CSRNP2: variants seen among roughly 807,000 people sequenced by gnomAD.
CSRNP2 encodes cysteine/serine-rich nuclear protein 2.
In CSRNP2, 11 loss-of-function variants were observed where a neutral mutation model predicts 36.6. The observed-to-expected ratio is 0.30, with a 90% CI of 0.19 to 0.50. The LOEUF (loss-of-function observed/expected upper bound fraction) is 0.50. Among genes scored for constraint, CSRNP2 ranks in the 20% least tolerant of loss-of-function variants. The probability of loss-of-function intolerance (pLI) is 0.98; values close to 1 mark genes in which losing one functional copy is unlikely to be tolerated. For missense variants in CSRNP2, 483 were observed against 691.4 expected (o/e 0.70, Z 3.38); for synonymous variants, 248 against 275.3 (o/e 0.90, Z 0.98).
intron 1 of CSRNP2, among the ~76,000 whole-genome samples, chr12:51,079,512 C>T (rs2136929750): frequency 6.6e-6 from 1 of 151,534 alleles, no homozygotes; most frequent in Admixed American, 6.6e-5. Flanking sequence ...TCTGTCATCC[C>T]AGCACTTTGG....
At chr12:51,079,925 T>C (rs1420812657) in intron 1 of CSRNP2, among the ~76,000 whole-genome samples, 1 of 150,104 alleles carries the variant, frequency 6.7e-6, no homozygotes, top group Non-Finnish European at 1.5e-5. Context: ...ATACAATGAT[T>C]AGCCAGGTGT....
rs532541589 is a variant in CSRNP2, at chr12:51,069,049, C to T, written c.412-1080G>A. Among the ~76,000 whole-genome samples, 16 of 152,212 alleles carry T rather than the reference C, an allele frequency of 1.1e-4. No individual in the cohort carries two copies. The East Asian group carries it at 3.1e-3, about 29-fold the overall frequency. On this transcript the variant is annotated intron_variant, in intron 3 of 4. Coordinates refer to ENST00000228515, the MANE Select transcript of CSRNP2 (RefSeq NM_030809.3). Reference sequence around the variant, plus strand: ...GGAGTGCAGTGGCGTGATCTCAGCTCGCTGCAAGCTCCACCTCCTGGGTTC... The same window carrying T: ...GGAGTGCAGTGGCGTGATCTCAGCTTGCTGCAAGCTCCACCTCCTGGGTTC...
Position 51,063,679 on chromosome 12 carries a change from G to T in CSRNP2, c.*67C>A. On this transcript the variant is annotated 3_prime_UTR_variant, in exon 5 of 5. Coordinates refer to ENST00000228515, the MANE Select transcript of CSRNP2 (RefSeq NM_030809.3). ...GCAGCTGCTTCTACAGTTTTGTTTTGAAATGGTGTTAGATAAAATAAGGGA... is the reference window on the plus strand; with the variant it reads ...GCAGCTGCTTCTACAGTTTTGTTTTTAAATGGTGTTAGATAAAATAAGGGA... The T allele has an allele frequency of 7.9e-7, 1 of 1,272,286 alleles. No individual in the cohort carries two copies. The highest frequency in any genetic ancestry group is 1.1e-6 in the Non-Finnish European group (1 of 946,298). 78.8% of individuals were successfully genotyped at this position (1,272,286 alleles called of 1,614,324 possible). A position where few individuals can be genotyped will look rare whatever the true frequency, so the allele number is the denominator to read the frequency against.
At chr12:51,082,293 C>T (rs1471915916) in intron 1 of CSRNP2, among the ~76,000 whole-genome samples, 1 of 152,156 alleles carries the variant, frequency 6.6e-6, no homozygotes, top group African/African-American at 2.4e-5. Flanking sequence ...CGTGCACTCA[C>T]CACCCCCACT....
At position 51,064,325 on chromosome 12, in the gene CSRNP2, C is replaced by T. The variant is rs762329617; in HGVS notation, c.1053G>A (p.Ser351=). ...DSSGSSASLD[S]SIESLGVCIL... ...TGCACACACCCAGGCTCTCGATGCT[C>T]GAGTCCAGGCTGGCACTAGAGCCGC... The change falls in exon 5 of 5, where the codon TCG becomes TCA. Residue 351 remains serine (S), a synonymous_variant. Transcript: ENST00000228515. The T allele has an allele frequency of 4.3e-6, 7 of 1,614,142 alleles. No homozygotes were observed. Among genetic ancestry groups the T allele is most frequent in the East Asian group, 2.2e-5 (1 of 44,876 alleles).
chr12:51,074,320 T>C (rs750389420), intron 2 of CSRNP2, among the ~76,000 whole-genome samples: 14 of 152,156 alleles, frequency 9.2e-5, no homozygotes, highest in Non-Finnish European at 1.8e-4. Context: ...TTTCGCCATG[T>C]TGACTAGGCT....
intron 4 of CSRNP2, among the ~76,000 whole-genome samples, chr12:51,065,987 T>A (rs1188323856): frequency 6.6e-6 from 1 of 152,162 alleles, no homozygotes; most frequent in African/African-American, 2.4e-5. Context: ...GGTATTGCTG[T>A]TTTCAACTGA....
chr12:51,080,005 G>A (rs376690738), intron 1 of CSRNP2, among the ~76,000 whole-genome samples: 3 of 138,754 alleles, frequency 2.2e-5, no homozygotes, highest in African/African-American at 5.2e-5. Flanking sequence ...CCCAGGAGGC[G>A]GAAGTTGCAG....
At chr12:51,080,347 A>G (rs954441024) in intron 1 of CSRNP2, among the ~76,000 whole-genome samples, 4 of 152,016 alleles carry the variant, frequency 2.6e-5, no homozygotes, top group Admixed American at 6.6e-5. Flanking sequence ...TATTACTACA[A>G]TTCTCCACGG....
At chr12:51,080,379 G>A (rs1939594585) in intron 1 of CSRNP2, among the ~76,000 whole-genome samples, 1 of 152,064 alleles carries the variant, frequency 6.6e-6, no homozygotes, top group Admixed American at 6.6e-5. Context: ...CTGCCCGCAG[G>A]AGTATCAGTT....
Position 51,073,963 on chromosome 12 carries a change from T to C in CSRNP2, c.271A>G (p.Ser91Gly). The C allele has an allele frequency of 6.2e-7, 1 of 1,614,152 alleles. No homozygotes were observed. Among genetic ancestry groups the C allele is most frequent in the Non-Finnish European group, 8.5e-7 (1 of 1,180,024 alleles). The change falls in exon 3 of 5, where the codon AGC becomes GGC. Residue 91 changes from serine to glycine, a missense_variant. This residue lies in a region of CSRNP2 where 206 missense variants were observed against 367.8 expected (regional missense o/e 0.56). Coordinates refer to ENST00000228515, the MANE Select transcript of CSRNP2 (RefSeq NM_030809.3). ...GFTSVPSQGG[S>G]SLGMAQRHNS... ...TGGCGCTGGGCCATGCCCAGAGAGC[T>C]ACCACCCTGGCTGGGCACACTGGTA...
intron 3 of CSRNP2, among the ~76,000 whole-genome samples, chr12:51,073,291 A>G (rs1032300034): frequency 6.6e-6 from 1 of 152,014 alleles, no homozygotes; most frequent in African/African-American, 2.4e-5. Flanking sequence ...GGGAGGGGGA[A>G]ATTCTAGGGA....
rs1196007230 is a variant in CSRNP2 at position 51,079,510 on chromosome 12, C to T, written c.-86-2863G>A. On this transcript the variant is annotated intron_variant, in intron 1 of 4. Transcript: ENST00000228515. Reference sequence around the variant, plus strand: ...GGGCACAGTGGCTCATGTCTGTCATCCCAGCACTTTGGGAGGCCGAGGCGG... The same window carrying T: ...GGGCACAGTGGCTCATGTCTGTCATTCCAGCACTTTGGGAGGCCGAGGCGG... Among the ~76,000 whole-genome samples the T allele has an allele frequency of 2.6e-5, 4 of 151,742 alleles. No individual in the cohort carries two copies. In the East Asian group the frequency reaches 7.7e-4, roughly 29 times the overall value.
At chr12:51,072,840 C>T (rs1939241843) in intron 3 of CSRNP2, among the ~76,000 whole-genome samples, 2 of 152,082 alleles carry the variant, frequency 1.3e-5, no homozygotes, top group Non-Finnish European at 2.9e-5. Context: ...AATTATTTGA[C>T]CAGAAATTGA....
At chr12:51,069,701 CTTT>C (rs1441124468) in intron 3 of CSRNP2, among the ~76,000 whole-genome samples, 1 of 133,582 alleles carries the variant, frequency 7.5e-6, no homozygotes, top group Non-Finnish European at 1.6e-5. Context: ...TCTTTTTTTT[CTTT>C]TTTTTTGAGA....
intron 1 of CSRNP2, 123 bp from the exon 2 acceptor site, chr12:51,076,770 G>A (rs377399359): frequency 1.4e-5 from 8 of 555,810 alleles, no homozygotes; most frequent in Non-Finnish European, 1.6e-5. Context: ...TCAATATTAC[G>A]TTCTTTCTCT....
rs1280118470 is a variant in CSRNP2 at position 51,062,563 on chromosome 12, A to AGTT, written c.*1180_*1182dup. On this transcript the variant is annotated 3_prime_UTR_variant, in exon 5 of 5. Coordinates refer to ENST00000228515, the MANE Select transcript of CSRNP2 (RefSeq NM_030809.3). ...GAACTTGAATCCTTTGGAATCTGGGAGTTGCATGTAGCATTTAAGAACTGG... is the reference window on the plus strand; with the variant it reads ...GAACTTGAATCCTTTGGAATCTGGGAGTTGTTGCATGTAGCATTTAAGAACTGG... 1.3e-5 allele frequency: 2 copies of AGTT among 152,198 alleles called. No homozygotes were observed. The highest frequency in any genetic ancestry group is 4.8e-5 in the African/African-American group (2 of 41,446). 9.4% of individuals were successfully genotyped at this position (152,198 alleles called of 1,614,324 possible). A position where few individuals can be genotyped will look rare whatever the true frequency, so the allele number is the denominator to read the frequency against.
At chr12:51,070,053 G>T (rs1938963894) in intron 3 of CSRNP2, among the ~76,000 whole-genome samples, 1 of 151,904 alleles carries the variant, frequency 6.6e-6, no homozygotes, top group Admixed American at 6.6e-5. Flanking sequence ...TTGGTGGAAG[G>T]ACAGATTGAA....
Position 51,074,065 on chromosome 12 carries a change from G to A in CSRNP2, c.169C>T (p.Arg57Trp), listed in dbSNP as rs1419714996. 6.8e-6 allele frequency: 11 copies of A among 1,613,936 alleles called. No individual in the cohort carries two copies. Among genetic ancestry groups the A allele is most frequent in the Middle Eastern group, 1.6e-4 (1 of 6,082 alleles). Residue 57 changes from arginine (R) to tryptophan (W), a missense_variant, in exon 3 of 5, where the codon CGG becomes TGG. This residue lies in a region of CSRNP2 where 206 missense variants were observed against 367.8 expected (regional missense o/e 0.56). Transcript: ENST00000228515. ...TTCTTCCTCCGCAGCTGCTTCTGCC[G>A]CTTCAGGATGGATGTGGCTGAGAAG... Reference protein sequence around the residue: ...ASFTPTSILKRQKQLRRKNVR... With the variant: ...ASFTPTSILKWQKQLRRKNVR...
Sources: gnomAD v4.1 joint callset for allele counts (sites outside exome capture counted in the v4.1 genomes callset) on GRCh38, gnomAD v4.1.1 for gene constraint, gnomAD v4.1.1 regional missense constraint, MANE v1.5 for transcripts, NCBI Gene and HGNC (gene_info 2026-07-23, HGNC 2026-07-21) for gene names.